The following DOK6 variants were observed in gnomAD, a reference collection of about 807,000 sequenced individuals.
The protein encoded by DOK6 is downstream of tyrosine kinase 6.
DOK6 carries 22 observed loss-of-function variants against 44.0 expected under a neutral mutation model. That is an observed-to-expected ratio of 0.50 (90% CI 0.36 to 0.71). The LOEUF (loss-of-function observed/expected upper bound fraction) is 0.71. Among genes scored for constraint, DOK6 ranks in the 30% least tolerant of loss-of-function variants. The pLI, the probability that DOK6 is intolerant of heterozygous loss-of-function variation, is 0.00. For synonymous variants in DOK6, 166 were observed against 145.5 expected, an observed-to-expected ratio of 1.14 and a Z score of -1.01; for missense variants, 340 against 416.4, an observed-to-expected ratio of 0.82 and a Z score of 1.60.
At chr18:69,568,943 G>A (rs1035630162) in intron 2 of DOK6, among the ~76,000 whole-genome samples, 1 of 151,656 alleles carries the variant, frequency 6.6e-6, no homozygotes, top group Non-Finnish European at 1.5e-5. Flanking sequence ...CTACATTATG[G>A]TGAGTTGTAT....
intron 1 of DOK6, among the ~76,000 whole-genome samples, chr18:69,496,095 A>G (rs903258624): frequency 6.6e-6 from 1 of 152,128 alleles, no homozygotes; most frequent in Non-Finnish European, 1.5e-5. Context: ...TCTGTGGGCT[A>G]GGAGGCCCAG....
intron 1 of DOK6, among the ~76,000 whole-genome samples, chr18:69,556,115 T>C (rs565095233): frequency 6.6e-6 from 1 of 152,188 alleles, no homozygotes; most frequent in African/African-American, 2.4e-5. Context: ...ATTTAAGTTC[T>C]ATTGTGTTCT....
intron 6 of DOK6, among the ~76,000 whole-genome samples, chr18:69,740,892 G>T (rs759792419): frequency 3.3e-5 from 5 of 152,242 alleles, no homozygotes; most frequent in Non-Finnish European, 5.9e-5. Flanking sequence ...AATCTTTCAA[G>T]TATTTCTAAC....
intron 7 of DOK6, among the ~76,000 whole-genome samples, chr18:69,834,299 C>T (rs1202994736): frequency 6.6e-6 from 1 of 152,134 alleles, no homozygotes; most frequent in African/African-American, 2.4e-5. Flanking sequence ...ATTACACGTT[C>T]TCACTCATAT....
intron 3 of DOK6, among the ~76,000 whole-genome samples, chr18:69,642,030 A>T (rs1252656885): frequency 1.3e-5 from 2 of 152,230 alleles, no homozygotes; most frequent in African/African-American, 4.8e-5. Flanking sequence ...ACTCGAAGAA[A>T]TAGAAGTAGT....
intron 2 of DOK6, among the ~76,000 whole-genome samples, chr18:69,574,482 G>C (rs555402093): frequency 6.6e-6 from 1 of 152,162 alleles, no homozygotes; most frequent in South Asian, 2.1e-4. Flanking sequence ...TACCAAGGAC[G>C]TGACACTTAA....
chr18:69,686,916 AAT>A (rs558255127), intron 4 of DOK6, among the ~76,000 whole-genome samples: 109 of 152,282 alleles, frequency 7.2e-4, no homozygotes, highest in African/African-American at 2.2e-3. Flanking sequence ...TTAAAAAAAT[AAT>A]ATGTTATTAT....
chr18:69,840,761 T>C (rs1043679718), intron 7 of DOK6, among the ~76,000 whole-genome samples: 2 of 152,206 alleles, frequency 1.3e-5, no homozygotes, highest in Non-Finnish European at 2.9e-5. Context: ...TGATAATTCA[T>C]GGTTACTGGT....
chr18:69,830,920 C>A (rs1981882853), intron 7 of DOK6, among the ~76,000 whole-genome samples: 1 of 152,120 alleles, frequency 6.6e-6, no homozygotes, highest in South Asian at 2.1e-4. Context: ...TTAAATACCT[C>A]TGAGCTTCTA....
At chr18:69,444,339 C>T (rs1568259786) in intron 1 of DOK6, among the ~76,000 whole-genome samples, 1 of 152,092 alleles carries the variant, frequency 6.6e-6, no homozygotes, top group Admixed American at 6.6e-5. Flanking sequence ...ACTAAAGAAA[C>T]GTTGTGGATG....
At chr18:69,429,738 T>G (rs1451219286) in intron 1 of DOK6, among the ~76,000 whole-genome samples, 2 of 149,044 alleles carry the variant, frequency 1.3e-5, no homozygotes, top group East Asian at 1.9e-4. Flanking sequence ...TTGTGATGAT[T>G]TTTGCATTCT....
rs551371968 is a variant in DOK6, at chr18:69,747,159, C to T, written c.738+8056C>T. On this transcript the variant is annotated intron_variant, in intron 6 of 7. Coordinates refer to ENST00000382713, the MANE Select transcript of DOK6 (RefSeq NM_152721.6). ...TGAAACCAATTTGCACATTGCCAGG[C>T]ACATAGAGAATGGCTCATAAATGTC... 5.3e-4 allele frequency among the ~76,000 whole-genome samples: 81 copies of T among 152,174 alleles called. 1 individual carries two copies. Among genetic ancestry groups the T allele is most frequent in the Admixed American group, 4.1e-3 (63 of 15,278 alleles).
chr18:69,594,680 T>C (rs1253141541), intron 2 of DOK6, among the ~76,000 whole-genome samples: 2 of 151,638 alleles, frequency 1.3e-5, no homozygotes, highest in Middle Eastern at 3.4e-3. Context: ...GATGAGATGA[T>C]CTTATATTTT....
At chr18:69,448,981 T>A (rs1046715276) in intron 1 of DOK6, among the ~76,000 whole-genome samples, 11 of 152,172 alleles carry the variant, frequency 7.2e-5, no homozygotes, top group Non-Finnish European at 1.0e-4. Flanking sequence ...CTGGATACTT[T>A]GAAAGTACAA....
intron 5 of DOK6, among the ~76,000 whole-genome samples, chr18:69,728,802 T>C (rs934323468): frequency 1.3e-5 from 2 of 152,208 alleles, no homozygotes; most frequent in African/African-American, 4.8e-5. Flanking sequence ...TACCTGGATC[T>C]CAGGAGAAAG....
At chr18:69,406,421 C>T (rs930871791) in intron 1 of DOK6, among the ~76,000 whole-genome samples, 14 of 152,100 alleles carry the variant, frequency 9.2e-5, no homozygotes, top group Non-Finnish European at 1.5e-4. Flanking sequence ...ACAGTAAAAA[C>T]CAAATACAGA....
intron 3 of DOK6, among the ~76,000 whole-genome samples, chr18:69,627,307 A>C (rs1231455507): frequency 6.6e-6 from 1 of 152,204 alleles, no homozygotes; most frequent in African/African-American, 2.4e-5. Context: ...AAGACATTTC[A>C]GTTGGTTGTT....
chr18:69,631,165 C>T (rs1022931702), intron 3 of DOK6, among the ~76,000 whole-genome samples: 26 of 151,892 alleles, frequency 1.7e-4, no homozygotes, highest in African/African-American at 5.6e-4. Flanking sequence ...GTATTCCTCC[C>T]GGATCAAACA....
intron 3 of DOK6, 141 bp downstream of exon 3, chr18:69,599,639 A>T: frequency 1.6e-6 from 1 of 629,436 alleles, no homozygotes; most frequent in Non-Finnish European, 2.7e-6. Flanking sequence ...TCAGAAGCTC[A>T]ACGTATTGAT....
Sources: allele counts gnomAD v4.1 joint callset (sites outside exome capture counted in the v4.1 genomes callset), GRCh38; gene constraint gnomAD v4.1.1; transcripts MANE v1.5; gene names NCBI Gene and HGNC (gene_info 2026-07-23, HGNC 2026-07-21).